MMP24: variants seen among roughly 807,000 people sequenced by gnomAD.
MMP24 encodes matrix metallopeptidase 24.
A neutral mutation model predicts 62.8 loss-of-function variants in MMP24; 25 were observed. The observed-to-expected ratio is 0.40, with a 90% CI of 0.29 to 0.56. The LOEUF (loss-of-function observed/expected upper bound fraction) is 0.56, where lower values mean the gene tolerates loss of function less well. Among genes scored for constraint, MMP24 ranks in the 20% least tolerant of loss-of-function variants. The pLI, the probability that MMP24 is intolerant of heterozygous loss-of-function variation, is 0.50. For missense variants in MMP24, 634 were observed against 853.6 expected (o/e 0.74, Z 3.21); for synonymous variants, 319 against 350.5 (o/e 0.91, Z 1.00).
chr20:35,273,516 AGCT>A (rs1179531722), intron 8 of MMP24, among the ~76,000 whole-genome samples: 2 of 152,208 alleles, frequency 1.3e-5, no homozygotes, highest in Admixed American at 6.5e-5. Flanking sequence ...CAATGGCCAC[AGCT>A]GCTATTTGTT....
At chr20:35,260,200 C>T (rs2060595128) in intron 4 of MMP24, among the ~76,000 whole-genome samples, 1 of 152,192 alleles carries the variant, frequency 6.6e-6, no homozygotes, top group South Asian at 2.1e-4. Flanking sequence ...CCTCCTGCCC[C>T]TGCCCTGCTC....
rs556053648 is a variant in MMP24 at position 35,235,669 on chromosome 20, G to A, written c.246+8685G>A. On this transcript the variant is annotated intron_variant, in intron 1 of 8. Coordinates refer to ENST00000246186, the MANE Select transcript of MMP24 (RefSeq NM_006690.4). ...GCCAAAATCACGCCATTGCACTCCA[G>A]CCTGGGTGACAAGAGCAAGACTATG... 4.6e-5 allele frequency among the ~76,000 whole-genome samples: 7 copies of A among 152,284 alleles called. No homozygotes were observed. In the East Asian group the frequency reaches 1.4e-3, roughly 29 times the overall value.
At chr20:35,257,214 T>C (rs1476921513) in intron 4 of MMP24, among the ~76,000 whole-genome samples, 1 of 152,236 alleles carries the variant, frequency 6.6e-6, no homozygotes, top group Non-Finnish European at 1.5e-5. Context: ...TGGCCAAGGC[T>C]CAGCCTAGGC....
intron 4 of MMP24, 29 bp downstream of exon 4, chr20:35,254,783 C>A (rs1232310339): frequency 6.4e-7 from 1 of 1,573,442 alleles, no homozygotes; most frequent in South Asian, 1.2e-5. Flanking sequence ...AGGGGTCAGT[C>A]TTGGGCTGCT....
intron 2 of MMP24, among the ~76,000 whole-genome samples, chr20:35,248,966 G>A (rs990526109): frequency 2.0e-5 from 3 of 152,196 alleles, no homozygotes; most frequent in Non-Finnish European, 2.9e-5. Context: ...CTCAGAGAGT[G>A]GCAGGTGGAT....
chr20:35,275,871 C>A lies in MMP24; in HGVS notation c.*1262C>A. The A allele has an allele frequency of 5.0e-6, 2 of 397,442 alleles. No individual in the cohort carries two copies. Among genetic ancestry groups the A allele is most frequent in the Non-Finnish European group, 8.9e-6 (2 of 225,868 alleles). The allele number at this position is 397,442 out of a possible 1,614,324, so 24.6% of individuals were successfully genotyped here. A position where few individuals can be genotyped will look rare whatever the true frequency, so the allele number is the denominator to read the frequency against. On this transcript the variant is annotated 3_prime_UTR_variant, in exon 9 of 9. Transcript: ENST00000246186. ...CGGTAGCAGCCCCAAGCTGAGGGGGCTCCCTTTTTGACCTTCACTGGCCCG... is the reference window on the plus strand; with the variant it reads ...CGGTAGCAGCCCCAAGCTGAGGGGGATCCCTTTTTGACCTTCACTGGCCCG...
In MMP24 at chr20:35,269,729, A is replaced by ACCTCTCTC; in HGVS notation, c.1195-28_1195-21dup. 6.4e-7 allele frequency: 1 copy of ACCTCTCTC among 1,554,562 alleles called. No individual in the cohort carries two copies. Among genetic ancestry groups the ACCTCTCTC allele is most frequent in the Non-Finnish European group, 8.7e-7 (1 of 1,150,328 alleles). On this transcript the variant is annotated intron_variant, in intron 6 of 8. Transcript: ENST00000246186. This position sits in a 1 kb window ranked among gnomAD's most constrained non-coding sequence, Gnocchi z 4.6. The stretch of plus-strand genomic sequence containing the variant: ...TGGGTTCGGAGGCAGGGCCTGACAC[A>ACCTCTCTC]CCTCTCTCCCCCTCTCCCGCTTCCT...
chr20:35,273,753 G>C (rs571636920), intron 8 of MMP24, among the ~76,000 whole-genome samples: 30 of 152,336 alleles, frequency 2.0e-4, no homozygotes, highest in African/African-American at 5.1e-4. Flanking sequence ...GGGCTGCCCA[G>C]CCTCTCTCCC....
At chr20:35,237,974 C>A (rs1275435108) in intron 1 of MMP24, among the ~76,000 whole-genome samples, 2 of 152,130 alleles carry the variant, frequency 1.3e-5, no homozygotes, top group Admixed American at 1.3e-4. Flanking sequence ...AGCATTAAGC[C>A]AATATAGCAA....
intron 4 of MMP24, 50 bp downstream of exon 4, chr20:35,254,804 G>A (rs755419250): frequency 1.3e-6 from 2 of 1,538,098 alleles, no homozygotes; most frequent in South Asian, 1.3e-5. Flanking sequence ...CAGTTGTTGG[G>A]AAAGAACTTG....
At chr20:35,229,899 C>G (rs768362132) in intron 1 of MMP24, among the ~76,000 whole-genome samples, 5 of 152,162 alleles carry the variant, frequency 3.3e-5, no homozygotes, top group Non-Finnish European at 5.9e-5. Context: ...CCTGATTTCT[C>G]TAGTTGTCAT....
chr20:35,267,122 A>G (rs2060639610), intron 5 of MMP24, 83 bp from the exon 6 acceptor site: 1 of 1,198,140 alleles, frequency 8.3e-7, no homozygotes, highest in Non-Finnish European at 1.2e-6. Flanking sequence ...GACTTGTCTC[A>G]GAGCTGCCTG....
intron 1 of MMP24, among the ~76,000 whole-genome samples, chr20:35,238,450 A>G (rs529771463): frequency 1.3e-5 from 2 of 152,308 alleles, no homozygotes; most frequent in South Asian, 4.1e-4. Context: ...GTAAGAGGCC[A>G]AGGCTCCCCA....
intron 1 of MMP24, among the ~76,000 whole-genome samples, chr20:35,233,589 A>AC (rs1315248308): frequency 6.6e-6 from 1 of 152,122 alleles, no homozygotes; most frequent in Non-Finnish European, 1.5e-5. Context: ...AAATCTGATC[A>AC]CCTTACTCCC....
intron 3 of MMP24, among the ~76,000 whole-genome samples, chr20:35,253,293 T>TTTTTTTTTTC (rs869302559): frequency 7.7e-6 from 1 of 130,358 alleles, no homozygotes; most frequent in African/African-American, 3.0e-5. Context: ...TTTTTTTTTT[T>TTTTTTTTTTC]CAGAAATCTG....
chr20:35,268,578 T>C (rs2060648209), intron 6 of MMP24, among the ~76,000 whole-genome samples: 3 of 152,252 alleles, frequency 2.0e-5, no homozygotes, highest in South Asian at 4.1e-4. Context: ...AAAACCTGGA[T>C]GTGAAAGTGC....
chr20:35,266,175 T>TTAAA lies in MMP24; in HGVS notation c.980-1030_980-1029insTAAA, dbSNP rs771720633. On this transcript the variant is annotated intron_variant, in intron 5 of 8. Transcript: ENST00000246186. ...CAACATGGTGAAACCCCATCTCTGCTAAAAAAAAAAAAAAAAAAAAAAAAA... is the reference window on the plus strand; with the variant it reads ...CAACATGGTGAAACCCCATCTCTGCTTAAAAAAAAAAAAAAAAAAAAAAAAAAAA... 3.8e-3 allele frequency among the ~76,000 whole-genome samples: 162 copies of TTAAA among 43,034 alleles called. 4 individuals are homozygous for TTAAA. Among genetic ancestry groups the TTAAA allele is most frequent in the African/African-American group, 0.014 (139 of 9,846 alleles). The allele number at this position is 43,034 out of a possible 152,430, so 28.2% of individuals were successfully genotyped here. A position where few individuals can be genotyped will look rare whatever the true frequency, so the allele number is the denominator to read the frequency against.
At chr20:35,252,652 G>A (rs2060553117) in intron 3 of MMP24, among the ~76,000 whole-genome samples, 1 of 152,242 alleles carries the variant, frequency 6.6e-6, no homozygotes, top group South Asian at 2.1e-4. Context: ...TGACTGTCTG[G>A]AGGAACCAAG....
intron 8 of MMP24, among the ~76,000 whole-genome samples, chr20:35,273,118 C>T (rs1600809499): frequency 6.6e-6 from 1 of 152,050 alleles, no homozygotes; most frequent in African/African-American, 2.4e-5. Context: ...AAGATGGCAA[C>T]AGACGCTATA....
Sources: gnomAD v4.1 joint callset for allele counts (sites outside exome capture counted in the v4.1 genomes callset) on GRCh38, gnomAD v4.1.1 for gene constraint, Gnocchi (gnomAD v3.1) non-coding constraint, MANE v1.5 for transcripts, NCBI Gene and HGNC (gene_info 2026-07-23, HGNC 2026-07-21) for gene names.